DPP10: variants seen among roughly 807,000 people sequenced by gnomAD.
The protein encoded by DPP10 is inactive dipeptidyl peptidase 10.
Under a neutral mutation model 120.9 loss-of-function variants are expected in DPP10, and 33 were observed. That is an observed-to-expected ratio of 0.27 (90% CI 0.21 to 0.37). DPP10 has a LOEUF of 0.37. Ranked by LOEUF, DPP10 falls within the 10% of genes least tolerant of loss-of-function variation. The pLI is 1.00. For synonymous variants in DPP10, 337 were observed against 326.1 expected (o/e 1.03, Z -0.36); for missense variants, 816 against 942.8 (o/e 0.87, Z 1.76).
At chr2:115,789,764 G>T (rs1212158902) in intron 17 of DPP10, among the ~76,000 whole-genome samples, 1 of 152,138 alleles carries the variant, frequency 6.6e-6, no homozygotes, top group Non-Finnish European at 1.5e-5. Context: ...ATTTATCATG[G>T]TTACATCTGT....
chr2:115,664,325 A>G (rs1165188788), intron 5 of DPP10, among the ~76,000 whole-genome samples: 2 of 152,084 alleles, frequency 1.3e-5, no homozygotes, highest in African/African-American at 4.8e-5. Flanking sequence ...TCAAATATTG[A>G]TTACAAATTT....
chr2:114,542,537 C>G (rs1573610063), intron 1 of DPP10, among the ~76,000 whole-genome samples: 1 of 152,140 alleles, frequency 6.6e-6, no homozygotes, highest in Admixed American at 6.5e-5. Flanking sequence ...CTCTGTATCC[C>G]TAAGGAATGC....
intron 1 of DPP10, among the ~76,000 whole-genome samples, chr2:114,854,197 C>T (rs140580591): frequency 1.1e-3 from 160 of 152,212 alleles, no homozygotes; most frequent in African/African-American, 3.8e-3. Flanking sequence ...ATGCCTCACT[C>T]CTAAAACTGT....
chr2:114,772,987 T>C (rs1227242102), intron 1 of DPP10, among the ~76,000 whole-genome samples: 2 of 152,180 alleles, frequency 1.3e-5, no homozygotes, highest in Non-Finnish European at 2.9e-5. Flanking sequence ...AAAATCTGGC[T>C]TAGAGAGAGT....
At chr2:115,783,941 A>G (rs571757855) in intron 17 of DPP10, among the ~76,000 whole-genome samples, 84 of 152,340 alleles carry the variant, frequency 5.5e-4, no homozygotes, top group African/African-American at 1.9e-3. Flanking sequence ...CACTTAATCA[A>G]TAACTATTTG....
chr2:115,511,266 A>G (rs1225784316), intron 4 of DPP10, among the ~76,000 whole-genome samples: 1 of 152,072 alleles, frequency 6.6e-6, no homozygotes, highest in East Asian at 1.9e-4. Context: ...ATCCTTTTAC[A>G]TGTTATAAGC....
intron 1 of DPP10, among the ~76,000 whole-genome samples, chr2:115,219,299 A>T (rs75555872): frequency 0.014 from 2,079 of 152,224 alleles, 49 homozygotes; most frequent in African/African-American, 0.048. Flanking sequence ...TATTGCATTT[A>T]TTTCCCTGCT....
At chr2:115,353,242 A>G (rs2064153391) in intron 3 of DPP10, among the ~76,000 whole-genome samples, 1 of 152,126 alleles carries the variant, frequency 6.6e-6, no homozygotes, top group East Asian at 1.9e-4. Flanking sequence ...CAGGGGATGA[A>G]TGAAGATATT....
chr2:115,569,135 C>T lies in DPP10; in HGVS notation c.441+43163C>T, dbSNP rs1042361550. Among the ~76,000 whole-genome samples the T allele has an allele frequency of 3.3e-5, 5 of 152,270 alleles. No homozygotes were observed. In the East Asian group the frequency reaches 5.8e-4, roughly 18 times the overall value. ...CCCTTAGTTCACAGATGAAAAACCA[C>T]GTTACAGAGAGATAAATAACTGAAT... is the stretch of plus-strand genomic sequence containing the variant. On this transcript the variant is annotated intron_variant, in intron 5 of 25. Transcript: ENST00000410059.
chr2:115,550,491 A>T (rs776944215), intron 5 of DPP10, among the ~76,000 whole-genome samples: 4 of 152,152 alleles, frequency 2.6e-5, no homozygotes, highest in Non-Finnish European at 4.4e-5. Flanking sequence ...TTATTTAAAC[A>T]GATGAAGTCT....
intron 21 of DPP10, among the ~76,000 whole-genome samples, chr2:115,822,210 C>G (rs1261810992): frequency 2.0e-5 from 3 of 151,962 alleles, no homozygotes; most frequent in Admixed American, 1.3e-4. Flanking sequence ...GTGCAACTTA[C>G]ACTTTCATAT....
chr2:115,775,242 A>G (rs1681957371), intron 13 of DPP10, among the ~76,000 whole-genome samples: 1 of 152,060 alleles, frequency 6.6e-6, no homozygotes, highest in Non-Finnish European at 1.5e-5. Context: ...ATGAAAGAAT[A>G]GCACTTATTA....
intron 1 of DPP10, among the ~76,000 whole-genome samples, chr2:115,297,881 G>A (rs1284268227): frequency 6.6e-6 from 1 of 151,986 alleles, no homozygotes; most frequent in Non-Finnish European, 1.5e-5. Flanking sequence ...TTGGGCTATT[G>A]TTCCAGTCTG....
At chr2:114,761,102 C>G (rs1680242861) in intron 1 of DPP10, among the ~76,000 whole-genome samples, 3 of 152,122 alleles carry the variant, frequency 2.0e-5, no homozygotes, top group African/African-American at 7.2e-5. Context: ...GAAATTTGCC[C>G]AATGTCGTAT....
chr2:114,921,238 G>T (rs898365510), intron 1 of DPP10, among the ~76,000 whole-genome samples: 1 of 152,026 alleles, frequency 6.6e-6, no homozygotes, highest in Non-Finnish European at 1.5e-5. Context: ...ATTTTGGTGG[G>T]GGACAAAGCT....
intron 1 of DPP10, among the ~76,000 whole-genome samples, chr2:114,799,362 T>A (rs1275768803): frequency 3.3e-5 from 5 of 152,326 alleles, no homozygotes; most frequent in African/African-American, 1.2e-4. Context: ...TAGGGCTGCC[T>A]TCTCATTCAC....
At chr2:115,344,117 CAG>C (rs1461038168) in intron 3 of DPP10, among the ~76,000 whole-genome samples, 2 of 115,108 alleles carry the variant, frequency 1.7e-5, no homozygotes, top group Non-Finnish European at 3.3e-5. Context: ...ACCTGGGTGA[CAG>C]AGCGAGACTC....
chr2:114,647,770 C>G (rs528275748), intron 1 of DPP10, among the ~76,000 whole-genome samples: 1 of 150,644 alleles, frequency 6.6e-6, no homozygotes, highest in South Asian at 2.1e-4. Context: ...CAGCATTTCT[C>G]TTACTGGAAA....
At chr2:115,295,956 GATA>G (rs2060867416) in intron 1 of DPP10, among the ~76,000 whole-genome samples, 1 of 152,104 alleles carries the variant, frequency 6.6e-6, no homozygotes, top group Admixed American at 6.6e-5. Flanking sequence ...GTTAATAAGT[GATA>G]ATAAATAAAT....
Sources: allele counts gnomAD v4.1 joint callset (sites outside exome capture counted in the v4.1 genomes callset), GRCh38; gene constraint gnomAD v4.1.1; transcripts MANE v1.5; gene names NCBI Gene and HGNC (gene_info 2026-07-23, HGNC 2026-07-21).